Variants in XRCC5 observed in about 807,000 individuals in gnomAD.
XRCC5 encodes the protein DNA repair protein Ku80.
XRCC5 carries 12 observed loss-of-function variants against 95.7 expected under a neutral mutation model. The ratio of observed to expected loss-of-function variants is 0.13; its 90% CI spans 0.08 to 0.20. XRCC5 has a LOEUF of 0.20. Among genes scored for constraint, XRCC5 ranks in the 10% least tolerant of loss-of-function variants. The pLI is 1.00. For synonymous variants in XRCC5, 281 were observed against 290.3 expected (o/e 0.97, Z 0.33); for missense variants, 595 against 873.9 (o/e 0.68, Z 4.02).
At chr2:216,156,909 G>A in intron 14 of XRCC5, 1 of 320,960 alleles carries the variant, frequency 3.1e-6, no homozygotes, top group South Asian at 2.7e-5. Context: ...AAGGGCTTTT[G>A]AATATCTTTT....
At chr2:216,199,705 A>T (rs1689797361) in intron 19 of XRCC5, among the ~76,000 whole-genome samples, 1 of 152,044 alleles carries the variant, frequency 6.6e-6, no homozygotes, top group African/African-American at 2.4e-5. Context: ...GCTCACAGTA[A>T]GTCACCGGCC....
Position 216,135,315 on chromosome 2 carries a change from T to C in XRCC5, c.1114-1773T>C, listed in dbSNP as rs77026302. On this transcript the variant is annotated intron_variant, in intron 10 of 20. Coordinates refer to ENST00000392132, the MANE Select transcript of XRCC5 (RefSeq NM_021141.4). Reference sequence around the variant, plus strand: ...GGTTAGAAGCTGGAGAGCCAGAGATTAGTAAAGGGGCATTCTAGCTAGGAG... The same window carrying C: ...GGTTAGAAGCTGGAGAGCCAGAGATCAGTAAAGGGGCATTCTAGCTAGGAG... Among the ~76,000 whole-genome samples the C allele has an allele frequency of 7.0e-3, 1,066 of 152,028 alleles. 11 individuals carry two copies. Among genetic ancestry groups the C allele is most frequent in the Non-Finnish European group, 0.012 (842 of 67,926 alleles).
intron 16 of XRCC5, among the ~76,000 whole-genome samples, chr2:216,166,095 CAG>C (rs1161783299): frequency 2.6e-5 from 4 of 152,196 alleles, no homozygotes; most frequent in African/African-American, 9.7e-5. Flanking sequence ...TCTATCACCA[CAG>C]AGTTAGAATA....
intron 16 of XRCC5, among the ~76,000 whole-genome samples, chr2:216,187,593 G>T (rs1215855388): frequency 6.8e-6 from 1 of 146,936 alleles, no homozygotes; most frequent in Non-Finnish European, 1.5e-5. Context: ...TTGTTTTTTC[G>T]CAAAGCAATT....
At chr2:216,112,691 G>A (rs1348910270) in intron 1 of XRCC5, among the ~76,000 whole-genome samples, 1 of 152,220 alleles carries the variant, frequency 6.6e-6, no homozygotes, top group Admixed American at 6.5e-5. Flanking sequence ...GGCATAAATG[G>A]GTTTAACTCT....
intron 16 of XRCC5, among the ~76,000 whole-genome samples, chr2:216,171,844 C>G (rs1311145185): frequency 6.6e-6 from 1 of 152,170 alleles, no homozygotes; most frequent in Non-Finnish European, 1.5e-5. Flanking sequence ...ATAAATTGCA[C>G]TTATTAATTC....
chr2:216,135,738 G>A (rs1697064078), intron 10 of XRCC5, among the ~76,000 whole-genome samples: 1 of 151,902 alleles, frequency 6.6e-6, no homozygotes, highest in African/African-American at 2.4e-5. Context: ...CACAGAAGCT[G>A]CAGTGAGCCG....
At chr2:216,138,044 A>T in intron 11 of XRCC5, 45 bp from the exon 12 acceptor site, 1 of 1,494,382 alleles carries the variant, frequency 6.7e-7, no homozygotes. Context: ...ATATTTTTTC[A>T]TTAATTTCAT....
intron 16 of XRCC5, among the ~76,000 whole-genome samples, chr2:216,185,149 T>A (rs1689472507): frequency 6.6e-6 from 1 of 152,210 alleles, no homozygotes; most frequent in Admixed American, 6.5e-5. Flanking sequence ...TACCAAGGGA[T>A]GCTAAGGGTT....
intron 18 of XRCC5, among the ~76,000 whole-genome samples, chr2:216,194,000 C>G (rs997463584): frequency 6.6e-6 from 1 of 152,182 alleles, no homozygotes; most frequent in Non-Finnish European, 1.5e-5. Context: ...TTTTCTTCCT[C>G]CCTAGTCCTC....
At chr2:216,166,498 C>A (rs927907504) in intron 16 of XRCC5, among the ~76,000 whole-genome samples, 1 of 152,174 alleles carries the variant, frequency 6.6e-6, no homozygotes, top group Admixed American at 6.5e-5. Flanking sequence ...TCCCTACATA[C>A]ACTATTCATA....
intron 14 of XRCC5, among the ~76,000 whole-genome samples, chr2:216,154,978 T>C (rs978273845): frequency 2.0e-5 from 3 of 152,054 alleles, no homozygotes; most frequent in Non-Finnish European, 2.9e-5. Flanking sequence ...AAAAACCATT[T>C]ATCATTTCAC....
chr2:216,170,822 G>A (rs1689151209), intron 16 of XRCC5, among the ~76,000 whole-genome samples: 1 of 152,186 alleles, frequency 6.6e-6, no homozygotes, highest in African/African-American at 2.4e-5. Flanking sequence ...TTGTGAGACA[G>A]AGAGCAGTTC....
chr2:216,127,530 T>C lies in XRCC5; in HGVS notation c.799-6T>C, dbSNP rs1027372556. 3 of 1,582,556 alleles carry C rather than the reference T, an allele frequency of 1.9e-6. No homozygotes were observed. The highest frequency in any genetic ancestry group is 2.6e-6 in the Non-Finnish European group (3 of 1,171,686). On this transcript the variant is annotated splice_region_variant and splice_polypyrimidine_tract_variant and intron_variant, in intron 7 of 20. Coordinates refer to ENST00000392132, the MANE Select transcript of XRCC5 (RefSeq NM_021141.4). ...CTTGTTTTCCCTTTGTGTTTTGGAA[T>C]GTAAGATTCTACAGGAGAGAGTTAA...
At chr2:216,150,844 A>G (rs1345848407) in intron 14 of XRCC5, among the ~76,000 whole-genome samples, 1 of 152,120 alleles carries the variant, frequency 6.6e-6, no homozygotes, top group Admixed American at 6.5e-5. Flanking sequence ...AGCTGAGATC[A>G]TGCCACTGCA....
chr2:216,192,909 A>C (rs751268168), intron 18 of XRCC5, among the ~76,000 whole-genome samples, 174 bp downstream of exon 18: 13 of 152,124 alleles, frequency 8.5e-5, no homozygotes, highest in Non-Finnish European at 1.3e-4. Context: ...GTGAACTCAA[A>C]CTCTCCCTTA....
chr2:216,192,335 A>C (rs1689629104), intron 17 of XRCC5, among the ~76,000 whole-genome samples: 1 of 152,040 alleles, frequency 6.6e-6, no homozygotes, highest in African/African-American at 2.4e-5. Flanking sequence ...GTGTGCGAGC[A>C]CTCACTAAAT....
chr2:216,189,084 G>A (rs1322352325), intron 16 of XRCC5, among the ~76,000 whole-genome samples: 3 of 152,264 alleles, frequency 2.0e-5, no homozygotes, highest in East Asian at 3.9e-4. Flanking sequence ...TCTTAGCACC[G>A]ATTTCATGTT....
chr2:216,135,545 C>T (rs1232218440), intron 10 of XRCC5, among the ~76,000 whole-genome samples: 1 of 152,180 alleles, frequency 6.6e-6, no homozygotes, highest in East Asian at 1.9e-4. Flanking sequence ...AGGGATGAGG[C>T]CCAGCACTTT....
Sources: gnomAD v4.1 joint callset for allele counts (sites outside exome capture counted in the v4.1 genomes callset) on GRCh38, gnomAD v4.1.1 for gene constraint, MANE v1.5 for transcripts, NCBI Gene and HGNC (gene_info 2026-07-23, HGNC 2026-07-21) for gene names.